The following GLRX3 variants were observed in gnomAD, a reference collection of about 807,000 sequenced individuals.
GLRX3 encodes glutaredoxin-3.
GLRX3 carries 22 observed loss-of-function variants against 49.5 expected under a neutral mutation model. The ratio of observed to expected loss-of-function variants is 0.44; its 90% CI spans 0.32 to 0.63. GLRX3 has a LOEUF of 0.63. Ranked by LOEUF, GLRX3 falls within the 30% of genes least tolerant of loss-of-function variation. The pLI is 0.05. For missense variants in GLRX3, 385 were observed against 396.3 expected (o/e 0.97, Z 0.24); for synonymous variants, 133 against 140.0 (o/e 0.95, Z 0.35).
chr10:130,154,779 C>T (rs1167621760), intron 2 of GLRX3, among the ~76,000 whole-genome samples: 1 of 152,072 alleles, frequency 6.6e-6, no homozygotes, highest in Admixed American at 6.5e-5. Flanking sequence ...AAATGCCGCA[C>T]AGTAGTCTAG....
At chr10:130,162,418 T>G (rs2134905549) in intron 4 of GLRX3, among the ~76,000 whole-genome samples, 1 of 152,368 alleles carries the variant, frequency 6.6e-6, no homozygotes, top group Non-Finnish European at 1.5e-5. Flanking sequence ...TAGTCTCTGT[T>G]GCGTTTGTTA....
At chr10:130,158,900 G>A (rs1862526028) in intron 2 of GLRX3, among the ~76,000 whole-genome samples, 1 of 152,010 alleles carries the variant, frequency 6.6e-6, no homozygotes, top group South Asian at 2.1e-4. Flanking sequence ...AAGAATTAAG[G>A]TAGTAAAAGA....
chr10:130,145,952 C>A (rs532039792), intron 2 of GLRX3, among the ~76,000 whole-genome samples: 41 of 152,154 alleles, frequency 2.7e-4, no homozygotes, highest in African/African-American at 9.6e-4. Flanking sequence ...TGCCACCACA[C>A]CCAGCTAATT....
chr10:130,151,512 C>T (rs1862376145), intron 2 of GLRX3, among the ~76,000 whole-genome samples: 2 of 152,022 alleles, frequency 1.3e-5, no homozygotes, highest in African/African-American at 2.4e-5. Context: ...CTAACGCTAT[C>T]CCTCCCTCAG....
At chr10:130,137,815 G>A (rs1590053540) in intron 1 of GLRX3, among the ~76,000 whole-genome samples, 2 of 152,220 alleles carry the variant, frequency 1.3e-5, no homozygotes, top group East Asian at 3.9e-4. Flanking sequence ...GCTCCCTGCA[G>A]CCTCCGCCTC....
chr10:130,176,666 G>A (rs1159686497), intron 10 of GLRX3, among the ~76,000 whole-genome samples: 1 of 151,968 alleles, frequency 6.6e-6, no homozygotes, highest in African/African-American at 2.4e-5. Context: ...ACTCCTGGAG[G>A]AAAAAATTTT....
In GLRX3 at chr10:130,144,390, A is replaced by G. The variant is rs145735734; in HGVS notation, c.93-821A>G. On this transcript the variant is annotated intron_variant, in intron 1 of 10. Coordinates refer to ENST00000331244, the MANE Select transcript of GLRX3 (RefSeq NM_006541.5). The stretch of plus-strand genomic sequence containing the variant: ...TGTGCCATGGTGGTTTGCTGCACCT[A>G]TCAACCCATCATCTAGGTTTTAAGC... 2.5e-4 allele frequency among the ~76,000 whole-genome samples: 38 copies of G among 150,004 alleles called. No homozygotes were observed. In the East Asian group the frequency reaches 3.2e-3, roughly 13 times the overall value.
intron 6 of GLRX3, 61 bp downstream of exon 6, chr10:130,167,041 T>A: frequency 1.1e-6 from 1 of 879,568 alleles, no homozygotes. Flanking sequence ...TATTTTAAAG[T>A]CCTCAGGTTT....
At chr10:130,151,732 G>T (rs10764929) in intron 2 of GLRX3, among the ~76,000 whole-genome samples, 1 of 152,092 alleles carries the variant, frequency 6.6e-6, no homozygotes, top group South Asian at 2.1e-4. Context: ...ATTATATTCC[G>T]TGATGTATAT....
intron 2 of GLRX3, among the ~76,000 whole-genome samples, chr10:130,151,831 T>C (rs1862382717): frequency 2.0e-5 from 3 of 152,180 alleles, no homozygotes; most frequent in Admixed American, 6.6e-5. Flanking sequence ...TTTTTTTGCT[T>C]TCCATTTGCT....
At chr10:130,162,080 C>T (rs1016959905) in intron 4 of GLRX3, among the ~76,000 whole-genome samples, 9 of 152,148 alleles carry the variant, frequency 5.9e-5, no homozygotes, top group South Asian at 2.1e-4. Context: ...AGGGGTCAAG[C>T]GATTCTCCTG....
intron 10 of GLRX3, among the ~76,000 whole-genome samples, chr10:130,176,792 C>CTA (rs371839893): frequency 3.8e-4 from 50 of 131,296 alleles, no homozygotes; most frequent in Middle Eastern, 7.7e-3. Context: ...CTCTCTCTCT[C>CTA]TATATATATA....
chr10:130,168,537 C>T (rs1402518851), intron 6 of GLRX3, among the ~76,000 whole-genome samples: 2 of 152,316 alleles, frequency 1.3e-5, no homozygotes, highest in Admixed American at 6.5e-5. Context: ...CTCCGCCTCC[C>T]GGGTTCACAC....
intron 2 of GLRX3, among the ~76,000 whole-genome samples, chr10:130,155,220 G>A (rs1449502113): frequency 6.6e-6 from 1 of 152,220 alleles, no homozygotes; most frequent in East Asian, 1.9e-4. Context: ...CAAAGCAAAA[G>A]GCTAGTGGGG....
chr10:130,163,376 C>G (rs566537658), intron 4 of GLRX3, among the ~76,000 whole-genome samples: 1 of 152,080 alleles, frequency 6.6e-6, no homozygotes, highest in Admixed American at 6.5e-5. Flanking sequence ...GAGCCGAGAT[C>G]GAGCCACTGC....
intron 2 of GLRX3, among the ~76,000 whole-genome samples, chr10:130,156,559 G>A (rs1862474597): frequency 6.6e-6 from 1 of 152,182 alleles, no homozygotes; most frequent in South Asian, 2.1e-4. Context: ...TACGTGTGAG[G>A]ATTAAGTGAG....
intron 2 of GLRX3, among the ~76,000 whole-genome samples, chr10:130,153,168 C>A (rs1433823296): frequency 1.3e-5 from 2 of 152,140 alleles, no homozygotes; most frequent in Non-Finnish European, 2.9e-5. Flanking sequence ...CATTTAAGCT[C>A]TTCTCTACAT....
intron 8 of GLRX3, among the ~76,000 whole-genome samples, chr10:130,173,649 T>C (rs1484795334): frequency 6.6e-6 from 1 of 152,220 alleles, no homozygotes; most frequent in Admixed American, 6.5e-5. Flanking sequence ...CTGGATCCTT[T>C]ATGAATAGTT....
At chr10:130,138,213 C>T (rs1428084815) in intron 1 of GLRX3, among the ~76,000 whole-genome samples, 1 of 152,038 alleles carries the variant, frequency 6.6e-6, no homozygotes. Context: ...CGGTCCACCA[C>T]GCTGGGCTAA....
Sources: allele counts gnomAD v4.1 joint callset (sites outside exome capture counted in the v4.1 genomes callset), GRCh38; gene constraint gnomAD v4.1.1; transcripts MANE v1.5; gene names NCBI Gene and HGNC (gene_info 2026-07-23, HGNC 2026-07-21).